Variants in SPON1 observed in about 807,000 individuals in gnomAD.
SPON1 encodes spondin-1.
A neutral mutation model predicts 111.7 loss-of-function variants in SPON1; 52 were observed. That is an observed-to-expected ratio of 0.47 (90% CI 0.37 to 0.59). SPON1 has a LOEUF of 0.59. Among genes scored for constraint, SPON1 ranks in the 20% least tolerant of loss-of-function variants. The probability of loss-of-function intolerance (pLI) is 0.00; values close to 1 mark genes in which losing one functional copy is unlikely to be tolerated. For synonymous variants in SPON1, 410 were observed against 395.8 expected (o/e 1.04, Z -0.43); for missense variants, 957 against 1,068.5 (o/e 0.90, Z 1.46).
chr11:14,178,308 G>A (rs1224895770), intron 6 of SPON1, among the ~76,000 whole-genome samples: 1 of 151,864 alleles, frequency 6.6e-6, no homozygotes, highest in East Asian at 1.9e-4. Context: ...TGTAGTCCCA[G>A]CTACTCGGGA....
intron 1 of SPON1, among the ~76,000 whole-genome samples, chr11:13,964,423 G>A (rs1166140564): frequency 6.6e-6 from 1 of 152,074 alleles, no homozygotes; most frequent in African/African-American, 2.4e-5. Context: ...ACAGGAGAAA[G>A]TCTGGGGCAG....
At chr11:14,106,847 G>T (rs1233682086) in intron 5 of SPON1, among the ~76,000 whole-genome samples, 2 of 152,014 alleles carry the variant, frequency 1.3e-5, no homozygotes, top group South Asian at 2.1e-4. Flanking sequence ...TGAGTCAAAT[G>T]CCCCCAGAGC....
In SPON1 at chr11:13,998,216, T is replaced by C. The variant is rs565168417; in HGVS notation, c.345+15263T>C. Among the ~76,000 whole-genome samples the C allele has an allele frequency of 2.6e-4, 40 of 152,294 alleles. 1 individual carries two copies. Among genetic ancestry groups the C allele is most frequent in the African/African-American group, 2.4e-5 (1 of 41,560 alleles). Reference sequence around the variant, plus strand: ...GTTAACACTGAGGGAATCAGAGCATTGATCGATGGCACAGAGCCAGTAAGT... The same window carrying C: ...GTTAACACTGAGGGAATCAGAGCATCGATCGATGGCACAGAGCCAGTAAGT... On this transcript the variant is annotated intron_variant, in intron 2 of 15. Coordinates refer to ENST00000576479, the MANE Select transcript of SPON1 (RefSeq NM_006108.4).
intron 3 of SPON1, among the ~76,000 whole-genome samples, chr11:14,057,625 T>G (rs1848754512): frequency 1.3e-5 from 2 of 152,090 alleles, no homozygotes. Context: ...CCACTTACTC[T>G]CAAATGCTTC....
chr11:14,101,603 G>A (rs1289168915), intron 5 of SPON1, among the ~76,000 whole-genome samples: 1 of 151,370 alleles, frequency 6.6e-6, no homozygotes, highest in Non-Finnish European at 1.5e-5. Flanking sequence ...ATATCATCTG[G>A]GTTTTATTTT....
At chr11:14,205,297 A>G (rs986300635) in intron 6 of SPON1, among the ~76,000 whole-genome samples, 5 of 152,182 alleles carry the variant, frequency 3.3e-5, no homozygotes, top group African/African-American at 4.8e-5. Context: ...CAGTCTGCAC[A>G]CTCATAGAAT....
In SPON1 at chr11:14,135,334, C is replaced by G; in HGVS notation, c.677-86C>G. 1.4e-6 allele frequency: 2 copies of G among 1,447,064 alleles called. No individual in the cohort carries two copies. Among genetic ancestry groups the G allele is most frequent in the Non-Finnish European group, 1.9e-6 (2 of 1,055,856 alleles). The allele number at this position is 1,447,064 out of a possible 1,614,324, so 89.6% of individuals were successfully genotyped here. A position where few individuals can be genotyped will look rare whatever the true frequency, so the allele number is the denominator to read the frequency against. On this transcript the variant is annotated intron_variant, in intron 5 of 15. Transcript: ENST00000576479. This position sits in a 1 kb window ranked among gnomAD's most constrained non-coding sequence, Gnocchi z 4.4. Reference sequence around the variant, plus strand: ...TAGTCAGTGCTCTTTGAATCGATGTCCAATTACGCATCCTCCCCATCATTT... The same window carrying G: ...TAGTCAGTGCTCTTTGAATCGATGTGCAATTACGCATCCTCCCCATCATTT...
At chr11:14,186,002 A>T (rs1275399455) in intron 6 of SPON1, among the ~76,000 whole-genome samples, 1 of 152,228 alleles carries the variant, frequency 6.6e-6, no homozygotes, top group Non-Finnish European at 1.5e-5. Context: ...CATCTCCCTG[A>T]GTTGTCTGAG....
intron 6 of SPON1, among the ~76,000 whole-genome samples, chr11:14,167,625 AT>A (rs1848045704): frequency 6.6e-6 from 1 of 152,112 alleles, no homozygotes; most frequent in Non-Finnish European, 1.5e-5. Flanking sequence ...TTTAAATAAA[AT>A]TTTATATTTC....
chr11:13,996,171 T>C lies in SPON1; in HGVS notation c.345+13218T>C, dbSNP rs187612848. Among the ~76,000 whole-genome samples, 535 of 152,310 alleles carry C rather than the reference T, an allele frequency of 3.5e-3. 2 individuals are homozygous for C. The highest frequency in any genetic ancestry group is 0.012 in the African/African-American group (499 of 41,540). On this transcript the variant is annotated intron_variant, in intron 2 of 15. Coordinates refer to ENST00000576479, the MANE Select transcript of SPON1 (RefSeq NM_006108.4). ...TCACAAGGGCCTAGTAAAAGTTTTT[T>C]TTTTTTAATAAGAAATGAACCAGGG...
intron 6 of SPON1, among the ~76,000 whole-genome samples, chr11:14,241,740 A>G (rs1554939700): frequency 6.6e-6 from 1 of 152,154 alleles, no homozygotes; most frequent in East Asian, 1.9e-4. Context: ...CAAGATAAAC[A>G]ACTTCTCGGT....
chr11:14,222,885 A>AT (rs1419748920), intron 6 of SPON1, among the ~76,000 whole-genome samples: 1 of 152,190 alleles, frequency 6.6e-6, no homozygotes, highest in Admixed American at 6.5e-5. Context: ...GATGCATGTA[A>AT]TTAACATTCC....
At chr11:14,224,799 TG>T in intron 6 of SPON1, 1 of 455,236 alleles carries the variant, frequency 2.2e-6, no homozygotes, top group South Asian at 1.7e-5. Context: ...GGTGAGCCCT[TG>T]GGCTCCATGC....
chr11:14,246,072 C>T (rs1244367144), intron 7 of SPON1, among the ~76,000 whole-genome samples: 1 of 152,192 alleles, frequency 6.6e-6, no homozygotes, highest in Non-Finnish European at 1.5e-5. Context: ...ACTTCTGGTC[C>T]TCTAAGTGGG....
At chr11:13,972,417 T>A (rs1554908699) in intron 1 of SPON1, among the ~76,000 whole-genome samples, 1 of 152,204 alleles carries the variant, frequency 6.6e-6, no homozygotes, top group African/African-American at 2.4e-5. Flanking sequence ...TTTGGATCCA[T>A]CCCTGTAGCT....
At chr11:14,157,125 T>G (rs903076935) in intron 6 of SPON1, among the ~76,000 whole-genome samples, 10 of 152,222 alleles carry the variant, frequency 6.6e-5, no homozygotes, top group Non-Finnish European at 2.9e-5. Flanking sequence ...CAAAATTCAT[T>G]TGGCTTTACC....
At chr11:14,220,422 A>C (rs2133906443) in intron 6 of SPON1, among the ~76,000 whole-genome samples, 1 of 152,324 alleles carries the variant, frequency 6.6e-6, no homozygotes, top group Admixed American at 6.5e-5. Flanking sequence ...ACTGATAATC[A>C]CAGCCTTTTT....
chr11:14,146,407 C>G lies in SPON1; in HGVS notation c.825+10839C>G, dbSNP rs7948901. Among the ~76,000 whole-genome samples the G allele has an allele frequency of 8.4e-3, 1,282 of 152,174 alleles. 13 individuals carry two copies. Among genetic ancestry groups the G allele is most frequent in the African/African-American group, 0.029 (1,196 of 41,510 alleles). ...TCAGGTGATCCACCTGCCTTGGCCT[C>G]CCAAAGTTCTGGGATTACAGGCGTG... On this transcript the variant is annotated intron_variant, in intron 6 of 15. Transcript: ENST00000576479.
At chr11:14,079,647 GT>G (rs1848945224) in intron 4 of SPON1, among the ~76,000 whole-genome samples, 1 of 151,472 alleles carries the variant, frequency 6.6e-6, no homozygotes, top group African/African-American at 2.4e-5. Flanking sequence ...TAGCCTATGG[GT>G]TATTGCTCCC....
Sources: gnomAD v4.1 joint callset for allele counts (sites outside exome capture counted in the v4.1 genomes callset) on GRCh38, gnomAD v4.1.1 for gene constraint, Gnocchi (gnomAD v3.1) non-coding constraint, MANE v1.5 for transcripts, NCBI Gene and HGNC (gene_info 2026-07-23, HGNC 2026-07-21) for gene names.